The following WBP2NL variants were observed in gnomAD, a reference collection of about 807,000 sequenced individuals.
The protein encoded by WBP2NL is WBP2 N-terminal like, also known as postacrosomal sheath WW domain-binding protein.
WBP2NL carries 27 observed loss-of-function variants against 23.3 expected under a neutral mutation model. The ratio of observed to expected loss-of-function variants is 1.16; its 90% CI spans 0.85 to 1.60. WBP2NL has a LOEUF of 1.60. WBP2NL is among the 40% of genes most tolerant of loss of function. The probability of loss-of-function intolerance (pLI) is 0.00; values close to 1 mark genes in which losing one functional copy is unlikely to be tolerated. For missense variants in WBP2NL, 370 were observed against 389.5 expected (o/e 0.95, Z 0.42); for synonymous variants, 151 against 145.9 (o/e 1.03, Z -0.25).
chr22:42,045,811 T>G (rs1343637179), intron 8 of WBP2NL, among the ~76,000 whole-genome samples: 1 of 152,264 alleles, frequency 6.6e-6, no homozygotes, highest in Admixed American at 6.5e-5. Flanking sequence ...GCATGGTTCA[T>G]TAAAGTTCAA....
At chr22:42,001,000 A>G in intron 1 of WBP2NL, 1 of 543,592 alleles carries the variant, frequency 1.8e-6, no homozygotes, top group East Asian at 3.3e-5. Context: ...CTCAAAAAAA[A>G]AGAATGCTCA....
At chr22:42,037,707 AT>A (rs907417122), downstream of WBP2NL, among the ~76,000 whole-genome samples, 12 of 152,070 alleles carry the variant, frequency 7.9e-5, no homozygotes, top group Non-Finnish European at 1.5e-4. Flanking sequence ...TGCATTCTTA[AT>A]TTCCCTTTCA....
At chr22:42,009,131 G>T (rs1922575973) in intron 1 of WBP2NL, among the ~76,000 whole-genome samples, 1 of 152,064 alleles carries the variant, frequency 6.6e-6, no homozygotes, top group African/African-American at 2.4e-5. Flanking sequence ...GGGCTGGCTG[G>T]TCTTGAACTA....
chr22:42,050,008 A>T (rs1190692818), intron 8 of WBP2NL, among the ~76,000 whole-genome samples: 1 of 149,060 alleles, frequency 6.7e-6, no homozygotes, highest in African/African-American at 2.5e-5. Flanking sequence ...AAAGTGGCAC[A>T]TTTTGGTGTG....
At chr22:42,035,408 G>T (rs1036422739), downstream of WBP2NL, among the ~76,000 whole-genome samples, 2 of 152,256 alleles carry the variant, frequency 1.3e-5, no homozygotes, top group African/African-American at 4.8e-5. Flanking sequence ...GCCTGGGTCT[G>T]CAGCCACGGC....
intron 1 of WBP2NL, among the ~76,000 whole-genome samples, chr22:42,008,170 T>C (rs1461696593): frequency 7.1e-6 from 1 of 141,418 alleles, no homozygotes; most frequent in Non-Finnish European, 1.5e-5. Context: ...TCCTTTCCTT[T>C]CTCCCTCCCT....
downstream of WBP2NL, among the ~76,000 whole-genome samples, chr22:42,033,353 G>A (rs1352825125): frequency 1.3e-5 from 2 of 152,292 alleles, no homozygotes; most frequent in East Asian, 1.9e-4. Context: ...CTGGCTTGGA[G>A]AGCTCCCAGG....
downstream of WBP2NL, among the ~76,000 whole-genome samples, chr22:42,030,305 G>C (rs545154390): frequency 6.6e-6 from 1 of 152,344 alleles, no homozygotes; most frequent in South Asian, 2.1e-4. Flanking sequence ...GAGTATGCTA[G>C]ACCTTAAAGC....
intron 8 of WBP2NL, among the ~76,000 whole-genome samples, chr22:42,050,656 C>T (rs1925805871): frequency 7.7e-6 from 1 of 130,658 alleles, no homozygotes; most frequent in African/African-American, 2.5e-5. Context: ...CCCCCGTCCC[C>T]TCCCAAAAAA....
At chr22:42,021,295 C>T (rs984533224) in intron 4 of WBP2NL, among the ~76,000 whole-genome samples, 2 of 152,030 alleles carry the variant, frequency 1.3e-5, no homozygotes, top group Admixed American at 1.3e-4. Context: ...AAGATCTCCC[C>T]TGGGAAATTT....
downstream of WBP2NL, among the ~76,000 whole-genome samples, chr22:42,035,555 G>A (rs910469041): frequency 6.6e-6 from 1 of 152,240 alleles, no homozygotes; most frequent in Non-Finnish European, 1.5e-5. Flanking sequence ...CAGCGTGATG[G>A]CAGCAGCTGC....
intron 1 of WBP2NL, among the ~76,000 whole-genome samples, chr22:42,000,202 A>G (rs1921487540): frequency 6.6e-6 from 1 of 152,182 alleles, no homozygotes; most frequent in African/African-American, 2.4e-5. Context: ...AAATGCTGAT[A>G]TCCAGGTCTT....
At chr22:42,034,110 G>A (rs1415334982), downstream of WBP2NL, among the ~76,000 whole-genome samples, 2 of 152,230 alleles carry the variant, frequency 1.3e-5, no homozygotes, top group African/African-American at 2.4e-5. Flanking sequence ...TCTGGAGGGG[G>A]CCAGGGCGGC....
chr22:42,019,401 G>C lies in WBP2NL; in HGVS notation c.153G>C (p.Leu51Phe). Reference protein sequence around the residue: ...NVFSGRKTGTLFLTSYRVIFI... With the variant: ...NVFSGRKTGTFFLTSYRVIFI... Reference sequence around the variant, plus strand: ...TTAGTGGTAGAAAGACAGGAACATTGTTTCTCACTTCATACCGGGTAATTT... The same window carrying C: ...TTAGTGGTAGAAAGACAGGAACATTCTTTCTCACTTCATACCGGGTAATTT... The change falls in exon 2 of 6, where the codon TTG becomes TTC. Residue 51 changes from leucine to phenylalanine, a missense_variant. By Grantham distance (22) the Leu-to-Phe change is conservative. Transcript: ENST00000328823. 1.2e-6 allele frequency: 2 copies of C among 1,614,026 alleles called. No homozygotes were observed. Among genetic ancestry groups the C allele is most frequent in the Non-Finnish European group, 1.7e-6 (2 of 1,179,950 alleles).
chr22:42,023,139 T>A (rs1924122344), intron 5 of WBP2NL, among the ~76,000 whole-genome samples: 1 of 152,152 alleles, frequency 6.6e-6, no homozygotes, highest in Admixed American at 6.5e-5. Context: ...GTATTTGACG[T>A]ATTCACAATA....
Position 42,003,997 on chromosome 22 carries a change from C to T in WBP2NL, c.62+5117C>T, listed in dbSNP as rs532606509. Among the ~76,000 whole-genome samples, 33 of 152,198 alleles carry T rather than the reference C, an allele frequency of 2.2e-4. 1 individual carries two copies. The highest frequency in any genetic ancestry group is 1.9e-4 in the Non-Finnish European group (13 of 68,034). ...TAATAAGAAGGGACAAGAGGCCAGT[C>T]GCGATGGCTCACGCCTGCAGTCCCA... On this transcript the variant is annotated intron_variant, in intron 1 of 5. Transcript: ENST00000328823.
At chr22:42,001,236 A>C (rs1314950929) in intron 1 of WBP2NL, 1 of 699,748 alleles carries the variant, frequency 1.4e-6, no homozygotes, top group Admixed American at 2.1e-5. Flanking sequence ...GTTCCTTTGC[A>C]TCCTGACTGC....
chr22:42,034,281 G>A (rs909965763), downstream of WBP2NL, among the ~76,000 whole-genome samples: 16 of 152,194 alleles, frequency 1.1e-4, no homozygotes, highest in Admixed American at 2.6e-4. Flanking sequence ...TTTCCTAAGC[G>A]TCGGCTGACT....
chr22:42,044,820 A>T (rs1925522417), intron 8 of WBP2NL, among the ~76,000 whole-genome samples: 1 of 151,914 alleles, frequency 6.6e-6, no homozygotes, highest in African/African-American at 2.4e-5. Context: ...ATTTTTAAAA[A>T]TTTATTTTGT....
Sources: allele counts gnomAD v4.1 joint callset (sites outside exome capture counted in the v4.1 genomes callset), GRCh38; gene constraint gnomAD v4.1.1; transcripts MANE v1.5; gene names NCBI Gene and HGNC (gene_info 2026-07-23, HGNC 2026-07-21).